Variants in ARID3A observed in about 807,000 individuals in gnomAD.
ARID3A encodes AT-rich interaction domain 3A, also known as AT-rich interactive domain-containing protein 3A.
In ARID3A, 11 loss-of-function variants were observed where a neutral mutation model predicts 52.7. That is an observed-to-expected ratio of 0.21 (90% confidence interval 0.13 to 0.35). The LOEUF (loss-of-function observed/expected upper bound fraction) is 0.35. Among genes scored for constraint, ARID3A ranks in the 10% least tolerant of loss-of-function variants. The pLI, the probability that ARID3A is intolerant of heterozygous loss-of-function variation, is 1.00. For missense variants in ARID3A, 721 were observed against 838.5 expected (o/e 0.86, Z 1.73); for synonymous variants, 404 against 359.4 (o/e 1.12, Z -1.40).
Position 942,415 on chromosome 19 carries a change from C to T in ARID3A, c.693+9673C>T, listed in dbSNP as rs1053869253. Among the ~76,000 whole-genome samples, 3 of 152,268 alleles carry T rather than the reference C, an allele frequency of 2.0e-5. No homozygotes were observed. Among genetic ancestry groups the T allele is most frequent in the South Asian group, 2.1e-4 (1 of 4,832 alleles). Reference sequence around the variant, plus strand: ...CTCCACTGGCCGCCGGGAGCCGGGCCGGGAGCCGCTGCGGTGCCGACCTGG... The same window carrying T: ...CTCCACTGGCCGCCGGGAGCCGGGCTGGGAGCCGCTGCGGTGCCGACCTGG... On this transcript the variant is annotated intron_variant, in intron 3 of 8. Transcript: ENST00000263620. The surrounding 1 kb of genome is among the most constrained non-coding windows in gnomAD (Gnocchi z 8.1).
chr19:954,194 A>G (rs994561479), intron 3 of ARID3A, among the ~76,000 whole-genome samples: 3 of 152,102 alleles, frequency 2.0e-5, no homozygotes, highest in African/African-American at 4.8e-5. Flanking sequence ...ACCCCACCCA[A>G]CTGCTGAGTG....
rs576754532 is a variant in ARID3A, at chr19:951,128, C to G, written c.694-8964C>G. Among the ~76,000 whole-genome samples the G allele has an allele frequency of 2.6e-5, 4 of 151,826 alleles. No individual in the cohort carries two copies. The South Asian group carries it at 6.3e-4, about 24-fold the overall frequency. On this transcript the variant is annotated intron_variant, in intron 3 of 8. Transcript: ENST00000263620. ...TGAGCCACTATGCCCGGCCAGGATT[C>G]TTTCTTAAAGAAGAGACGGGGTCTC... is the stretch of plus-strand genomic sequence containing the variant.
chr19:955,372 CG>C (rs1174360300), intron 3 of ARID3A, among the ~76,000 whole-genome samples: 1 of 152,208 alleles, frequency 6.6e-6, no homozygotes, highest in Non-Finnish European at 1.5e-5. Context: ...CCGCCTCCCC[CG>C]CCAGCAGCTG....
At chr19:949,181 G>A (rs963264352) in intron 3 of ARID3A, among the ~76,000 whole-genome samples, 7 of 151,440 alleles carry the variant, frequency 4.6e-5, no homozygotes, top group African/African-American at 1.5e-4. Context: ...TTCCCCAAAT[G>A]CAGAGCAGGG....
chr19:957,027 TCCTCGGCAAATTGGCCC>T (rs1301971927), intron 3 of ARID3A, among the ~76,000 whole-genome samples: 12 of 152,202 alleles, frequency 7.9e-5, no homozygotes, highest in Non-Finnish European at 2.9e-5. Context: ...TCGCAGCTCC[TCCTCGGCAAATTGGCCC>T]CCGCCTGAAC....
intron 3 of ARID3A, among the ~76,000 whole-genome samples, chr19:940,841 C>T (rs1006300348): frequency 2.0e-5 from 3 of 152,098 alleles, no homozygotes; most frequent in Non-Finnish European, 2.9e-5. Flanking sequence ...ACCTGGTCCT[C>T]CCCACCGGGG....
rs531207862 is a variant in ARID3A, at chr19:973,981, G to C, written c.*1916G>C. 1 of 229,964 alleles carries C rather than the reference G, an allele frequency of 4.3e-6. No individual in the cohort carries two copies. 14.2% of individuals were successfully genotyped at this position (229,964 alleles called of 1,614,324 possible). A position where few individuals can be genotyped will look rare whatever the true frequency, so the allele number is the denominator to read the frequency against. ...GCTCTGGGCTTTCATTTCTCTTGGG[G>C]TGCAGTGGGGATTAACTCAGCTATT... On this transcript the variant is annotated 3_prime_UTR_variant, in exon 9 of 9. Transcript: ENST00000263620.
intron 3 of ARID3A, among the ~76,000 whole-genome samples, chr19:955,874 G>A (rs1406819720): frequency 6.6e-6 from 1 of 152,162 alleles, no homozygotes; most frequent in Non-Finnish European, 1.5e-5. Context: ...TAAAACAAAC[G>A]AAACCTGTTC....
chr19:932,388 C>T (rs1260071232), intron 2 of ARID3A, 30 bp from the exon 3 acceptor site: 1 of 1,589,002 alleles, frequency 6.3e-7, no homozygotes, highest in African/African-American at 1.4e-5. Context: ...AGCACCTTCT[C>T]CCCTGACTCC....
chr19:933,115 C>T (rs984574430), intron 3 of ARID3A, among the ~76,000 whole-genome samples: 17 of 152,136 alleles, frequency 1.1e-4, no homozygotes, highest in East Asian at 1.9e-4. Flanking sequence ...GCAGAGAGGC[C>T]GGGGCCTTGG....
chr19:931,377 G>A (rs1186137739), intron 2 of ARID3A, among the ~76,000 whole-genome samples: 1 of 149,574 alleles, frequency 6.7e-6, no homozygotes, highest in African/African-American at 2.5e-5. Context: ...GCTTGAACCT[G>A]GGAGGCAGAG....
At position 944,539 on chromosome 19, in the gene ARID3A, C is replaced by T. The variant is rs2037635332; in HGVS notation, c.693+11797C>T. 6.6e-6 allele frequency among the ~76,000 whole-genome samples: 1 copy of T among 152,288 alleles called. No individual in the cohort carries two copies. Among genetic ancestry groups the T allele is most frequent in the Non-Finnish European group, 1.5e-5 (1 of 68,008 alleles). On this transcript the variant is annotated intron_variant, in intron 3 of 8. Transcript: ENST00000263620. This position sits in a 1 kb window ranked among gnomAD's most constrained non-coding sequence, Gnocchi z 5.9. ...CTGCTACAAATGTGGGTCTTCCGGG[C>T]AAGTGAGCGTCCCCCACCCAGGACC...
rs2038360608 is a variant in ARID3A at position 975,481 on chromosome 19, T to C, written c.*3416T>C. ...TTTTCCCCAATTGTGCTTTTGCATT[T>C]TTTTCCTTGGCAAATGTAAACTCAG... On this transcript the variant is annotated 3_prime_UTR_variant, in exon 9 of 9. Transcript: ENST00000263620. The C allele has an allele frequency of 4.4e-6, 1 of 228,202 alleles. No homozygotes were observed. The highest frequency in any genetic ancestry group is 6.2e-5 in the East Asian group (1 of 16,092). The allele number at this position is 228,202 out of a possible 1,614,324, so 14.1% of individuals were successfully genotyped here.
chr19:953,730 AG>A (rs2037854385), intron 3 of ARID3A, among the ~76,000 whole-genome samples: 1 of 152,054 alleles, frequency 6.6e-6, no homozygotes, highest in Non-Finnish European at 1.5e-5. Flanking sequence ...TCCAGGCAGA[AG>A]GAACAGCGCC....
intron 3 of ARID3A, among the ~76,000 whole-genome samples, chr19:939,712 G>C (rs1455694774): frequency 6.6e-6 from 1 of 152,120 alleles, no homozygotes; most frequent in Non-Finnish European, 1.5e-5. Context: ...GTTCTTTTCA[G>C]CTGTATGGAC....
intron 2 of ARID3A, among the ~76,000 whole-genome samples, chr19:931,451 C>CAG (rs1555725617): frequency 3.8e-5 from 3 of 79,560 alleles, no homozygotes; most frequent in African/African-American, 1.3e-4. Context: ...GACTGTGTCT[C>CAG]AAAAAAAAAA....
At chr19:955,827 G>T (rs368324944) in intron 3 of ARID3A, among the ~76,000 whole-genome samples, 1 of 152,118 alleles carries the variant, frequency 6.6e-6, no homozygotes, top group African/African-American at 2.4e-5. Flanking sequence ...GTTCTTAGCC[G>T]GGGGGCTGCG....
intron 3 of ARID3A, among the ~76,000 whole-genome samples, chr19:954,775 G>A (rs1012256913): frequency 6.6e-6 from 1 of 151,250 alleles, no homozygotes; most frequent in Non-Finnish European, 1.5e-5. Context: ...GGCTGAGAAG[G>A]CCTCGCAGAC....
chr19:967,303 C>T (rs887417404), intron 7 of ARID3A, among the ~76,000 whole-genome samples: 11 of 151,568 alleles, frequency 7.3e-5, no homozygotes, highest in African/African-American at 2.7e-4. Context: ...CACCGTGGCT[C>T]ATGCCTATAA....
Sources: gnomAD v4.1 joint callset for allele counts (sites outside exome capture counted in the v4.1 genomes callset) on GRCh38, gnomAD v4.1.1 for gene constraint, Gnocchi (gnomAD v3.1) non-coding constraint, MANE v1.5 for transcripts, NCBI Gene and HGNC (gene_info 2026-07-23, HGNC 2026-07-21) for gene names.